The following AMER1 variants were observed in gnomAD, a reference collection of about 807,000 sequenced individuals.
The protein encoded by AMER1 is RP11-403E24.2.
Under a neutral mutation model 53.0 loss-of-function variants are expected in AMER1, and 16 were observed. That is an observed-to-expected ratio of 0.30 (90% CI 0.20 to 0.46). The LOEUF is 0.46. Among genes scored for constraint, AMER1 ranks in the 20% least tolerant of loss-of-function variants. The pLI is 1.00. For missense variants in AMER1, 947 were observed against 884.9 expected, an observed-to-expected ratio of 1.07 and a Z score of -0.89; for synonymous variants, 354 against 331.9, an observed-to-expected ratio of 1.07 and a Z score of -0.73.
Position 64,189,373 on chromosome X carries a change from G to A in AMER1, c.*506C>T, listed in dbSNP as rs200234328. 2.6e-6 allele frequency: 2 copies of A among 781,478 alleles called. No individual in the cohort carries two copies. The highest frequency in any genetic ancestry group is 2.3e-5 in the African/African-American group (1 of 43,026). The allele number at this position is 781,478 out of a possible 1,213,427, so 64.4% of individuals were successfully genotyped here. On this transcript the variant is annotated 3_prime_UTR_variant, in exon 2 of 2. Coordinates refer to ENST00000374869, the MANE Select transcript of AMER1 (RefSeq NM_152424.4). The stretch of plus-strand genomic sequence containing the variant: ...AATGCAGACTTGGCTGCTAATCAGT[G>A]GTTCATCATTCATTGGGGGAAAGGG...
chrX:64,186,526 C>A lies in AMER1; in HGVS notation c.*3353G>T. 1.3e-6 allele frequency: 1 copy of A among 781,837 alleles called. No individual in the cohort carries two copies. Among genetic ancestry groups the A allele is most frequent in the Non-Finnish European group, 1.5e-6 (1 of 656,032 alleles). 64.4% of individuals were successfully genotyped at this position (781,837 alleles called of 1,213,427 possible). A position where few individuals can be genotyped will look rare whatever the true frequency, so the allele number is the denominator to read the frequency against. ...TAAACCCCATGCCTCCCTCTAGCAA[C>A]TGGGCCTGGGGGCTGAGGGCAGGTG... is the stretch of plus-strand genomic sequence containing the variant. On this transcript the variant is annotated 3_prime_UTR_variant, in exon 2 of 2. Transcript: ENST00000374869.
rs964400534 is a variant in AMER1 at position 64,187,548 on chromosome X, C to T, written c.*2331G>A. ...GCCAAAGGTTGGCCACCTCCTTTTT[C>T]TCTTCCCAGATAGGCTGGTGGCCCT... On this transcript the variant is annotated 3_prime_UTR_variant, in exon 2 of 2. Coordinates refer to ENST00000374869, the MANE Select transcript of AMER1 (RefSeq NM_152424.4). 1 of 777,920 alleles carries T rather than the reference C, an allele frequency of 1.3e-6. No homozygotes were observed. Among genetic ancestry groups the T allele is most frequent in the African/African-American group, 2.3e-5 (1 of 44,146 alleles). 64.1% of individuals were successfully genotyped at this position (777,920 alleles called of 1,213,427 possible).
Position 64,188,236 on chromosome X carries a change from G to C in AMER1, c.*1643C>G. On this transcript the variant is annotated 3_prime_UTR_variant, in exon 2 of 2. Coordinates refer to ENST00000374869, the MANE Select transcript of AMER1 (RefSeq NM_152424.4). ...TGGAGATGGTGGGATGTGAGGGCGA[G>C]GGTGCAATAATCATAATTTGAGTGA... is the stretch of plus-strand genomic sequence containing the variant. The C allele has an allele frequency of 1.2e-6, 1 of 804,138 alleles. No individual in the cohort carries two copies. The highest frequency in any genetic ancestry group is 1.5e-6 in the Non-Finnish European group (1 of 669,783). 66.3% of individuals were successfully genotyped at this position (804,138 alleles called of 1,213,427 possible). A position where few individuals can be genotyped will look rare whatever the true frequency, so the allele number is the denominator to read the frequency against.
chrX:64,186,505 C>A lies in AMER1; in HGVS notation c.*3374G>T. On this transcript the variant is annotated 3_prime_UTR_variant, in exon 2 of 2. Transcript: ENST00000374869. ...GTAAACTTGAAGTCTCCCTGCTAAA[C>A]CCCATGCCTCCCTCTAGCAACTGGG... 7.7e-6 allele frequency: 6 copies of A among 783,679 alleles called. No individual in the cohort carries two copies. The highest frequency in any genetic ancestry group is 9.1e-6 in the Non-Finnish European group (6 of 657,358). 64.6% of individuals were successfully genotyped at this position (783,679 alleles called of 1,213,427 possible).
intron 1 of AMER1, among the ~76,000 whole-genome samples, chrX:64,203,802 G>A (rs973083210): frequency 6.3e-5 from 7 of 111,893 alleles, no homozygotes; most frequent in Middle Eastern, 4.6e-3. Flanking sequence ...AGACAAGGCA[G>A]AGGGCAGGTC....
intron 1 of AMER1, among the ~76,000 whole-genome samples, chrX:64,204,374 T>C: frequency 8.8e-6 from 1 of 114,007 alleles, no homozygotes; most frequent in East Asian, 2.8e-4. Flanking sequence ...AGACCAGCTC[T>C]GCGGGGCCAG....
In AMER1 at chrX:64,190,667, C is replaced by T. The variant is rs2147085671; in HGVS notation, c.2620G>A (p.Gly874Arg). Residue 874 changes from glycine to arginine, a missense_variant, in exon 2 of 2, where the codon GGA becomes AGA. By Grantham distance (125) the Gly-to-Arg change is moderately radical. Coordinates refer to ENST00000374869, the MANE Select transcript of AMER1 (RefSeq NM_152424.4). ...WGVSSLPRYL[G>R]LPGLHPRPPP... ...GGTCGAGGGTGCAGGCCAGGCAGTC[C>T]CAAGTATCGAGGGAGGCTGCTCACA... 11 of 1,211,285 alleles carry T rather than the reference C, an allele frequency of 9.1e-6. No individual in the cohort carries two copies. The highest frequency in any genetic ancestry group is 1.1e-5 in the Non-Finnish European group (10 of 895,335).
chrX:64,202,214 C>T (rs1048217983), intron 1 of AMER1, among the ~76,000 whole-genome samples: 5 of 111,773 alleles, frequency 4.5e-5, no homozygotes, highest in African/African-American at 1.6e-4. Context: ...TACCTCCTCT[C>T]CTTTTGAAAT....
Position 64,186,845 on chromosome X carries a change from C to G in AMER1, c.*3034G>C. ...GGAGAGGCCTACTAGGTGGCCTTCTCTATCCACATTCACTGGTCCTCCAAG... is the reference window on the plus strand; with the variant it reads ...GGAGAGGCCTACTAGGTGGCCTTCTGTATCCACATTCACTGGTCCTCCAAG... On this transcript the variant is annotated 3_prime_UTR_variant, in exon 2 of 2. Transcript: ENST00000374869. 5.2e-6 allele frequency: 4 copies of G among 773,223 alleles called. No homozygotes were observed. Among genetic ancestry groups the G allele is most frequent in the Non-Finnish European group, 6.2e-6 (4 of 650,087 alleles). 63.7% of individuals were successfully genotyped at this position (773,223 alleles called of 1,213,427 possible).
Position 64,189,793 on chromosome X carries a change from A to ACCACCC in AMER1, c.*85_*86insGGGTGG. The ACCACCC allele has an allele frequency of 1.4e-5, 4 of 292,074 alleles. 1 individual carries two copies. The highest frequency in any genetic ancestry group is 8.5e-5 in the Admixed American group (1 of 11,827). 24.1% of individuals were successfully genotyped at this position (292,074 alleles called of 1,213,427 possible). On this transcript the variant is annotated 3_prime_UTR_variant, in exon 2 of 2. Transcript: ENST00000374869. Reference sequence around the variant, plus strand: ...CAAAGGGTTTTCAAGTTAAACAACAACCCCCACCCCCCCACCCTTCTGCCC... The same window carrying ACCACCC: ...CAAAGGGTTTTCAAGTTAAACAACAACCACCCCCCCCACCCCCCCACCCTTCTGCCC...
rs1406351230 is a variant in AMER1, at chrX:64,186,517, C to T, written c.*3362G>A. On this transcript the variant is annotated 3_prime_UTR_variant, in exon 2 of 2. Coordinates refer to ENST00000374869, the MANE Select transcript of AMER1 (RefSeq NM_152424.4). ...TCTCCCTGCTAAACCCCATGCCTCC[C>T]TCTAGCAACTGGGCCTGGGGGCTGA... 2.6e-6 allele frequency: 2 copies of T among 780,572 alleles called. No individual in the cohort carries two copies. The highest frequency in any genetic ancestry group is 2.3e-5 in the African/African-American group (1 of 44,044). The allele number at this position is 780,572 out of a possible 1,213,427, so 64.3% of individuals were successfully genotyped here.
chrX:64,203,174 T>TG (rs1245452362), intron 1 of AMER1, among the ~76,000 whole-genome samples: 4 of 112,359 alleles, frequency 3.6e-5, no homozygotes, highest in African/African-American at 1.3e-4. Context: ...ATGCATGGTC[T>TG]GGGATCTGAG....
At position 64,205,556 on chromosome X, in the gene AMER1, T is replaced by C. The variant is rs1222662405; in HGVS notation, c.-99+14A>G. On this transcript the variant is annotated intron_variant, in intron 1 of 1. Transcript: ENST00000374869. ...GCGGGCAGGCGGAGGCTCCTGGCTG[T>C]ACGCAACGCTTACCCAGCCCGGTCA... 2 of 113,055 alleles carry C rather than the reference T, an allele frequency of 1.8e-5. No homozygotes were observed. The highest frequency in any genetic ancestry group is 6.4e-5 in the African/African-American group (2 of 31,110). The allele number at this position is 113,055 out of a possible 1,213,427, so 9.3% of individuals were successfully genotyped here.
chrX:64,190,913 A>T lies in AMER1; in HGVS notation c.2374T>A (p.Ser792Thr), dbSNP rs1351835013. 2.5e-6 allele frequency: 3 copies of T among 1,211,494 alleles called. No homozygotes were observed. Among genetic ancestry groups the T allele is most frequent in the Non-Finnish European group, 3.4e-6 (3 of 895,428 alleles). The change falls in exon 2 of 2, where the codon TCT (serine) becomes ACT (threonine). Residue 792 changes from serine (S) to threonine (T), a missense_variant. Ser to Thr is a moderately conservative substitution (Grantham distance 58, BLOSUM62 1). Transcript: ENST00000374869. ...AGGTTTTGAGTGAAAGATGAGTCAG[A>T]GTCAGAGCTGCAGGACATGCTGGAA... ...LFSSMSCSSD[S>T]DSSFTQNLPE... is the part of the protein sequence containing the mutation.
intron 1 of AMER1, among the ~76,000 whole-genome samples, chrX:64,205,347 A>ACCCCCCCCCCCCCCCC (rs1930578077): frequency 4.7e-5 from 1 of 21,224 alleles, no homozygotes; most frequent in African/African-American, 1.8e-4. Flanking sequence ...GCCCTCCCCA[A>ACCCCCCCCCCCCCCCC]CCCCCCTCCC....
At chrX:64,197,794 G>A (rs761493701) in intron 1 of AMER1, among the ~76,000 whole-genome samples, 1 of 112,537 alleles carries the variant, frequency 8.9e-6, no homozygotes, top group East Asian at 2.8e-4. Context: ...AATCCAGCAA[G>A]TTTTTTCCCA....
Position 64,190,443 on chromosome X carries a change from G to A in AMER1, c.2844C>T (p.Leu948=), listed in dbSNP as rs2147085154. The A allele has an allele frequency of 8.3e-7, 1 of 1,211,961 alleles. No individual in the cohort carries two copies. Among genetic ancestry groups the A allele is most frequent in the Non-Finnish European group, 1.1e-6 (1 of 895,520 alleles). Residue 948 remains leucine, a synonymous_variant, in exon 2 of 2, where the codon CTC becomes CTT. Transcript: ENST00000374869. ...GEWSRDSPLS[L]YTEPPGAYDW... is the part of the protein sequence containing the mutation. ...CATAGGCCCCTGGGGGTTCAGTATAGAGGGAAAGGGGACTGTCTCGGCTCC... is the reference window on the plus strand; with the variant it reads ...CATAGGCCCCTGGGGGTTCAGTATAAAGGGAAAGGGGACTGTCTCGGCTCC...
chrX:64,198,849 G>C (rs2147093804), intron 1 of AMER1, among the ~76,000 whole-genome samples: 1 of 112,243 alleles, frequency 8.9e-6, no homozygotes, highest in East Asian at 2.8e-4. Context: ...TTCCTTAAGA[G>C]ATAGGTTTGA....
intron 1 of AMER1, among the ~76,000 whole-genome samples, chrX:64,199,599 A>G (rs1361480585): frequency 1.8e-5 from 2 of 111,574 alleles, no homozygotes; most frequent in Non-Finnish European, 3.8e-5. Flanking sequence ...TGATGAGGCC[A>G]CTTGTAGGCA....
Sources: gnomAD v4.1 joint callset for allele counts (sites outside exome capture counted in the v4.1 genomes callset) on GRCh38, gnomAD v4.1.1 for gene constraint, MANE v1.5 for transcripts, NCBI Gene and HGNC (gene_info 2026-07-23, HGNC 2026-07-21) for gene names.